The following ADAMTS5 variants were observed in gnomAD, a reference collection of about 807,000 sequenced individuals.
ADAMTS5 encodes A disintegrin and metalloproteinase with thrombospondin motifs 5.
A neutral mutation model predicts 81.4 loss-of-function variants in ADAMTS5; 54 were observed. That is an observed-to-expected ratio of 0.66 (90% CI 0.53 to 0.83). The LOEUF is 0.83. Among genes scored for constraint, ADAMTS5 ranks in the 40% least tolerant of loss-of-function variants. The probability of loss-of-function intolerance (pLI) is 0.00; values close to 1 mark genes in which losing one functional copy is unlikely to be tolerated. For synonymous variants in ADAMTS5, 532 were observed against 508.8 expected (o/e 1.05, Z -0.61); for missense variants, 1,194 against 1,229.9 (o/e 0.97, Z 0.44).
At chr21:26,946,271 C>T (rs1238876956) in intron 2 of ADAMTS5, among the ~76,000 whole-genome samples, 2 of 152,124 alleles carry the variant, frequency 1.3e-5, no homozygotes, top group Non-Finnish European at 2.9e-5. Context: ...TTTTGTAATT[C>T]GAGCCCCCAG....
intron 1 of ADAMTS5, among the ~76,000 whole-genome samples, chr21:26,955,954 A>G (rs1014974403): frequency 6.6e-6 from 1 of 152,260 alleles, no homozygotes; most frequent in African/African-American, 2.4e-5. Flanking sequence ...TTTCTATTAT[A>G]CAACAATCAT....
chr21:26,953,456 C>A (rs162509), intron 2 of ADAMTS5, among the ~76,000 whole-genome samples: 1 of 151,938 alleles, frequency 6.6e-6, no homozygotes, highest in African/African-American at 2.4e-5. Flanking sequence ...TGTTTTACTG[C>A]GGCAATATTG....
intron 2 of ADAMTS5, among the ~76,000 whole-genome samples, chr21:26,947,602 T>A (rs187098689): frequency 6.6e-6 from 1 of 152,012 alleles, no homozygotes; most frequent in Non-Finnish European, 1.5e-5. Flanking sequence ...CCTGGCTAGT[T>A]TTTTGTATTT....
intron 1 of ADAMTS5, among the ~76,000 whole-genome samples, chr21:26,958,484 G>T (rs1209674618): frequency 6.6e-6 from 1 of 152,092 alleles, no homozygotes; most frequent in South Asian, 2.1e-4. Flanking sequence ...TTTAATTTTA[G>T]ATTTCAGCAG....
intron 2 of ADAMTS5, among the ~76,000 whole-genome samples, chr21:26,949,854 T>C (rs967990319): frequency 1.3e-5 from 2 of 152,240 alleles, no homozygotes; most frequent in Admixed American, 6.5e-5. Flanking sequence ...CTTCGAACTT[T>C]ACATCTTACA....
chr21:26,965,973 G>C lies in ADAMTS5; in HGVS notation c.419C>G (p.Pro140Arg). 1.2e-6 allele frequency: 2 copies of C among 1,613,298 alleles called. No homozygotes were observed. Among genetic ancestry groups the C allele is most frequent in the Non-Finnish European group, 8.5e-7 (1 of 1,179,842 alleles). ...GAGGTCAAAGACAGCCAGAGAGCGGGGACTACCGTCCACTGTGCCCCGATA... is the reference window on the plus strand; with the variant it reads ...GAGGTCAAAGACAGCCAGAGAGCGGCGACTACCGTCCACTGTGCCCCGATA... The part of the protein sequence containing the change: ...CFYRGTVDGS[P>R]RSLAVFDLCG... The change falls in exon 1 of 8, where the codon CCC becomes CGC. Residue 140 changes from proline (P) to arginine (R), a missense_variant. By Grantham distance (103) the Pro-to-Arg change is moderately radical. Around this residue, in one of 2 missense-constraint regions of ADAMTS5, gnomAD observed 498 missense variants for 412.3 expected, o/e 1.21. Coordinates refer to ENST00000284987, the MANE Select transcript of ADAMTS5 (RefSeq NM_007038.5).
Position 26,933,036 on chromosome 21 carries a change from G to A in ADAMTS5, c.1698C>T (p.Ser566=), listed in dbSNP as rs754975853. ...KTKKKYYSTS[S]HGNWGSWGSW... is the part of the protein sequence containing the mutation. ...ATCCCCAAGATCCCCAGTTGCCATGGCTTGACGTCTGAAATAGAGAATAGA... is the reference window on the plus strand; with the variant it reads ...ATCCCCAAGATCCCCAGTTGCCATGACTTGACGTCTGAAATAGAGAATAGA... Residue 566 remains serine, a synonymous_variant, in exon 5 of 8, where the codon AGC becomes AGT. Transcript: ENST00000284987. 10 of 1,612,340 alleles carry A rather than the reference G, an allele frequency of 6.2e-6. No individual in the cohort carries two copies. In the Admixed American group the frequency reaches 1.7e-4, roughly 27 times the overall value.
intron 2 of ADAMTS5, among the ~76,000 whole-genome samples, chr21:26,946,511 C>A (rs1987218890): frequency 6.6e-6 from 1 of 152,088 alleles, no homozygotes; most frequent in Non-Finnish European, 1.5e-5. Context: ...AAGCTAATAG[C>A]TTTGAAGACA....
In ADAMTS5 at chr21:26,924,693, TAAC is replaced by T. The variant is rs561219634; in HGVS notation, c.2226-76_2226-74del. The T allele has an allele frequency of 5.1e-4, 623 of 1,213,626 alleles. 2 individuals are homozygous for T. The African/African-American group carries it at 7.7e-3, about 15-fold the overall frequency. The allele number at this position is 1,213,626 out of a possible 1,614,324, so 75.2% of individuals were successfully genotyped here. ...AGGGAGAAAAAAATGAGTAAACACTTAACAAATAAATACACAAACAGAAGTTCT... is the reference window on the plus strand; with the variant it reads ...AGGGAGAAAAAAATGAGTAAACACTTAAATAAATACACAAACAGAAGTTCT... On this transcript the variant is annotated intron_variant, in intron 7 of 7. Transcript: ENST00000284987.
At chr21:26,935,607 G>A (rs1350589141) in intron 3 of ADAMTS5, among the ~76,000 whole-genome samples, 1 of 152,164 alleles carries the variant, frequency 6.6e-6, no homozygotes, top group Non-Finnish European at 1.5e-5. Flanking sequence ...CCGAAACAAG[G>A]TAGGCATCTC....
intron 1 of ADAMTS5, among the ~76,000 whole-genome samples, chr21:26,958,260 TAAGG>T (rs986429573): frequency 4.6e-5 from 7 of 152,182 alleles, no homozygotes; most frequent in African/African-American, 1.7e-4. Context: ...CAGCTGAAAT[TAAGG>T]AAGAACACCT....
At chr21:26,932,821 T>A (rs573263258) in intron 5 of ADAMTS5, 40 bp downstream of exon 5, 1 of 1,563,822 alleles carries the variant, frequency 6.4e-7, no homozygotes, top group African/African-American at 1.4e-5. Flanking sequence ...ACAAATGACA[T>A]GTAGCATATG....
At chr21:26,954,313 A>G (rs1987377602) in intron 2 of ADAMTS5, among the ~76,000 whole-genome samples, 1 of 152,162 alleles carries the variant, frequency 6.6e-6, no homozygotes, top group African/African-American at 2.4e-5. Context: ...GGAGCCTACA[A>G]TTATCACTGA....
rs377428656 is a variant in ADAMTS5 at position 26,965,630 on chromosome 21, C to T, written c.762G>A (p.Thr254=). ...TGGAGCGGCGCCGCCGCCGCCACCA[C>T]GTCTGCGGTCCTGAGCCCCCAGCGG... is the stretch of plus-strand genomic sequence containing the variant. ...LSPAGGSGPQ[T]WWRRRRRSIS... Residue 254 remains threonine, a synonymous_variant, in exon 1 of 8, where the codon ACG becomes ACA. Transcript: ENST00000284987. The T allele has an allele frequency of 3.8e-6, 6 of 1,596,978 alleles. No homozygotes were observed. The highest frequency in any genetic ancestry group is 2.7e-5 in the African/African-American group (2 of 74,546).
intron 3 of ADAMTS5, among the ~76,000 whole-genome samples, chr21:26,942,364 A>C (rs1987131042): frequency 6.6e-6 from 1 of 152,174 alleles, no homozygotes; most frequent in Non-Finnish European, 1.5e-5. Flanking sequence ...AGATTATTCA[A>C]CTTTGAACCG....
At chr21:26,963,737 G>T (rs1289828281) in intron 1 of ADAMTS5, among the ~76,000 whole-genome samples, 5 of 137,128 alleles carry the variant, frequency 3.6e-5, no homozygotes, top group African/African-American at 1.3e-4. Flanking sequence ...ACTTCATTTT[G>T]CAGAGAAGGC....
At chr21:26,941,054 C>T (rs1987105780) in intron 3 of ADAMTS5, among the ~76,000 whole-genome samples, 1 of 152,002 alleles carries the variant, frequency 6.6e-6, no homozygotes, top group South Asian at 2.1e-4. Context: ...TGTCATTGTG[C>T]CACACTGCTT....
At chr21:26,962,220 A>G (rs1427210609) in intron 1 of ADAMTS5, among the ~76,000 whole-genome samples, 2 of 150,148 alleles carry the variant, frequency 1.3e-5, no homozygotes. Flanking sequence ...CTAAAAAAAA[A>G]CGACTGTAAG....
At chr21:26,961,687 T>G (rs189985158) in intron 1 of ADAMTS5, among the ~76,000 whole-genome samples, 1 of 152,246 alleles carries the variant, frequency 6.6e-6, no homozygotes, top group African/African-American at 2.4e-5. Flanking sequence ...CTGCTTAGTC[T>G]GCTACCAGTC....
Sources: allele counts gnomAD v4.1 joint callset (sites outside exome capture counted in the v4.1 genomes callset), GRCh38; gene constraint gnomAD v4.1.1; regional missense constraint gnomAD v4.1.1; transcripts MANE v1.5; gene names NCBI Gene and HGNC (gene_info 2026-07-23, HGNC 2026-07-21).